The following HS6ST3 variants were observed in gnomAD, a reference collection of about 807,000 sequenced individuals.
The protein encoded by HS6ST3 is heparan-sulfate 6-O-sulfotransferase 3.
HS6ST3 carries 12 observed loss-of-function variants against 36.7 expected under a neutral mutation model. The ratio of observed to expected loss-of-function variants is 0.33; its 90% CI spans 0.21 to 0.53. HS6ST3 has a LOEUF of 0.53. HS6ST3 is among the 20% of genes least tolerant of loss of function. The pLI is 0.95. For synonymous variants in HS6ST3, 240 were observed against 257.5 expected, an observed-to-expected ratio of 0.93 and a Z score of 0.65; for missense variants, 584 against 640.9, an observed-to-expected ratio of 0.91 and a Z score of 0.96.
chr13:96,651,424 C>T (rs912802793), intron 1 of HS6ST3, among the ~76,000 whole-genome samples: 4 of 151,942 alleles, frequency 2.6e-5, no homozygotes, highest in East Asian at 3.9e-4. Flanking sequence ...CTAGACTCAG[C>T]GGGGCACCTA....
intron 1 of HS6ST3, among the ~76,000 whole-genome samples, chr13:96,792,478 C>T (rs141938083): frequency 6.6e-6 from 1 of 152,008 alleles, no homozygotes; most frequent in East Asian, 1.9e-4. Context: ...TGCTGATCTC[C>T]AAGCTCCCTG....
chr13:96,142,610 T>C (rs1171023640), intron 1 of HS6ST3, among the ~76,000 whole-genome samples: 2 of 152,158 alleles, frequency 1.3e-5, no homozygotes, highest in Non-Finnish European at 2.9e-5. Context: ...GTACTCTAAT[T>C]TTCCTGTGGC....
intron 1 of HS6ST3, among the ~76,000 whole-genome samples, chr13:96,656,969 G>T (rs1344414940): frequency 8.3e-6 from 1 of 120,842 alleles, no homozygotes; most frequent in Non-Finnish European, 1.8e-5. Flanking sequence ...GTGTGTGTGT[G>T]TGTGTGTGTG....
intron 1 of HS6ST3, among the ~76,000 whole-genome samples, chr13:96,362,773 A>G (rs564181254): frequency 3.3e-5 from 5 of 152,332 alleles, no homozygotes; most frequent in Admixed American, 2.6e-4. Context: ...TAGTTAAACA[A>G]TCTGTGATAT....
chr13:96,767,863 G>A (rs960206571), intron 1 of HS6ST3, among the ~76,000 whole-genome samples: 3 of 152,124 alleles, frequency 2.0e-5, no homozygotes, highest in African/African-American at 4.8e-5. Flanking sequence ...GACAGGTGTC[G>A]AGACAACTCT....
At chr13:96,248,542 A>T (rs954085430) in intron 1 of HS6ST3, among the ~76,000 whole-genome samples, 1 of 152,218 alleles carries the variant, frequency 6.6e-6, no homozygotes, top group Non-Finnish European at 1.5e-5. Context: ...TGTGTACTGC[A>T]TACAAACATA....
chr13:96,239,184 C>A (rs1383689525), intron 1 of HS6ST3, among the ~76,000 whole-genome samples: 2 of 152,136 alleles, frequency 1.3e-5, no homozygotes, highest in Non-Finnish European at 2.9e-5. Context: ...AACCACAAAG[C>A]AATTAAAGTT....
intron 1 of HS6ST3, among the ~76,000 whole-genome samples, chr13:96,524,564 G>C (rs543564012): frequency 5.9e-5 from 9 of 152,308 alleles, no homozygotes; most frequent in African/African-American, 1.9e-4. Flanking sequence ...GCATAGAACC[G>C]TCTGCTCAAG....
chr13:96,750,696 A>C (rs1876680705), intron 1 of HS6ST3, among the ~76,000 whole-genome samples: 1 of 152,180 alleles, frequency 6.6e-6, no homozygotes, highest in African/African-American at 2.4e-5. Context: ...ACAATTAACC[A>C]TGTAGACATT....
intron 1 of HS6ST3, among the ~76,000 whole-genome samples, chr13:96,428,380 G>A (rs2055598039): frequency 6.6e-6 from 1 of 152,094 alleles, no homozygotes; most frequent in Admixed American, 6.6e-5. Context: ...CGGACTGGGT[G>A]GTTTAATAAA....
At chr13:96,155,514 T>C (rs1306081516) in intron 1 of HS6ST3, among the ~76,000 whole-genome samples, 1 of 152,182 alleles carries the variant, frequency 6.6e-6, no homozygotes, top group African/African-American at 2.4e-5. Context: ...ATACAAGTTT[T>C]GATTGGGATA....
At chr13:96,241,786 C>CTTTTT (rs1235986148) in intron 1 of HS6ST3, among the ~76,000 whole-genome samples, 1 of 131,424 alleles carries the variant, frequency 7.6e-6, no homozygotes, top group Admixed American at 7.8e-5. Context: ...TTTTTTCTTT[C>CTTTTT]TTTTTTTTTT....
At chr13:96,195,710 C>T (rs867182687) in intron 1 of HS6ST3, among the ~76,000 whole-genome samples, 1 of 152,278 alleles carries the variant, frequency 6.6e-6, no homozygotes, top group African/African-American at 2.4e-5. Context: ...GTACCTGAGA[C>T]GCATTGCTTG....
chr13:96,408,511 C>T (rs1383600303), intron 1 of HS6ST3, among the ~76,000 whole-genome samples: 5 of 152,056 alleles, frequency 3.3e-5, no homozygotes, highest in Non-Finnish European at 7.4e-5. Flanking sequence ...GTCGAATAGG[C>T]AGTGTGTTTG....
chr13:96,297,666 T>A (rs531552286), intron 1 of HS6ST3, among the ~76,000 whole-genome samples: 4 of 152,150 alleles, frequency 2.6e-5, no homozygotes, highest in African/African-American at 9.6e-5. Flanking sequence ...ATAGTTCTCC[T>A]CTCCCTCATT....
rs934288315 is a variant in HS6ST3, at chr13:96,563,095, A to G, written c.708-269395A>G. Among the ~76,000 whole-genome samples the G allele has an allele frequency of 3.6e-4, 55 of 151,940 alleles. 1 individual carries two copies. The highest frequency in any genetic ancestry group is 1.3e-3 in the Admixed American group (20 of 15,250). ...GGAAAGCCAGTTAGCAATTCAACCTATACCATATTTTCTTTTGACCCCAAT... is the reference window on the plus strand; with the variant it reads ...GGAAAGCCAGTTAGCAATTCAACCTGTACCATATTTTCTTTTGACCCCAAT... On this transcript the variant is annotated intron_variant, in intron 1 of 1. Coordinates refer to ENST00000376705, the MANE Select transcript of HS6ST3 (RefSeq NM_153456.4).
intron 1 of HS6ST3, among the ~76,000 whole-genome samples, chr13:96,214,511 C>G (rs1473995839): frequency 6.6e-6 from 1 of 152,152 alleles, no homozygotes; most frequent in Non-Finnish European, 1.5e-5. Context: ...CTGTATTAGT[C>G]TCTAAGGGTA....
chr13:96,816,754 A>G (rs1878430180), intron 1 of HS6ST3, among the ~76,000 whole-genome samples: 1 of 152,186 alleles, frequency 6.6e-6, no homozygotes, highest in Non-Finnish European at 1.5e-5. Flanking sequence ...GAGAAAAGGC[A>G]GTTGTCAAAA....
intron 1 of HS6ST3, among the ~76,000 whole-genome samples, chr13:96,328,562 G>A (rs1270467433): frequency 2.6e-5 from 4 of 151,884 alleles, no homozygotes; most frequent in African/African-American, 9.7e-5. Flanking sequence ...GCTTTTTGAT[G>A]TGCTGCTGGA....
Sources: gnomAD v4.1 joint callset for allele counts (sites outside exome capture counted in the v4.1 genomes callset) on GRCh38, gnomAD v4.1.1 for gene constraint, MANE v1.5 for transcripts, NCBI Gene and HGNC (gene_info 2026-07-23, HGNC 2026-07-21) for gene names.